The following LSR variants were observed in gnomAD, a reference collection of about 807,000 sequenced individuals.
LSR encodes the protein lipolysis stimulated lipoprotein receptor.
In LSR, 44 loss-of-function variants were observed where a neutral mutation model predicts 61.8. The ratio of observed to expected loss-of-function variants is 0.71; its 90% CI spans 0.56 to 0.91. The LOEUF (loss-of-function observed/expected upper bound fraction) is 0.91, where lower values mean the gene tolerates loss of function less well. LSR is among the 40% of genes least tolerant of loss of function. LSR has a pLI of 0.00. For missense variants in LSR, 911 were observed against 830.5 expected (o/e 1.10, Z -1.19); for synonymous variants, 397 against 350.6 (o/e 1.13, Z -1.48).
intron 2 of LSR, 96 bp from the exon 3 acceptor site, chr19:35,258,849 C>T (rs990932145): frequency 2.3e-5 from 34 of 1,502,978 alleles, no homozygotes; most frequent in Non-Finnish European, 3.0e-5. Context: ...CCACTGCTTG[C>T]CCCCTCCTGG....
At chr19:35,260,291 CTTTT>C (rs66534837) in intron 3 of LSR, among the ~76,000 whole-genome samples, 1 of 113,996 alleles carries the variant, frequency 8.8e-6, no homozygotes, top group Non-Finnish European at 1.7e-5. Flanking sequence ...GGAGATTTTC[CTTTT>C]TTTTTTTTTT....
chr19:35,256,090 C>T (rs1438216475), intron 2 of LSR, among the ~76,000 whole-genome samples: 1 of 152,032 alleles, frequency 6.6e-6, no homozygotes, highest in African/African-American at 2.4e-5. Flanking sequence ...AAAAATTAGC[C>T]AGTTATGTTG....
intron 1 of LSR, chr19:35,249,398 A>G: frequency 2.1e-6 from 1 of 470,402 alleles, no homozygotes; most frequent in Non-Finnish European, 3.7e-6. Flanking sequence ...GGAGAATGGA[A>G]CTCTTTGTGG....
At position 35,259,072 on chromosome 19, in the gene LSR, G is replaced by T; in HGVS notation, c.574+8G>T. ...CAGAGCTCATCGTCCTTGGTGAGTG[G>T]GCCTGGGAAGGGGGAGGCATGGCCC... On this transcript the variant is annotated splice_region_variant and intron_variant, in intron 3 of 9. Transcript: ENST00000605618. 6.2e-7 allele frequency: 1 copy of T among 1,611,034 alleles called. No homozygotes were observed. The highest frequency in any genetic ancestry group is 1.7e-5 in the Admixed American group (1 of 59,874).
chr19:35,254,725 C>T (rs981189839), intron 2 of LSR, among the ~76,000 whole-genome samples: 2 of 152,204 alleles, frequency 1.3e-5, no homozygotes, highest in Admixed American at 1.3e-4. Context: ...TCTCCCCGAC[C>T]TAAAACAATG....
At chr19:35,255,796 T>C (rs2065849131) in intron 2 of LSR, among the ~76,000 whole-genome samples, 1 of 152,202 alleles carries the variant, frequency 6.6e-6, no homozygotes, top group African/African-American at 2.4e-5. Flanking sequence ...CAGCTTATCT[T>C]TGTCTGATAT....
intron 2 of LSR, among the ~76,000 whole-genome samples, chr19:35,254,893 A>G (rs560509681): frequency 6.6e-5 from 10 of 152,302 alleles, no homozygotes; most frequent in African/African-American, 2.4e-4. Context: ...AGGTCAAACA[A>G]AACACAGTGA....
At chr19:35,261,258 T>C (rs754689936) in intron 3 of LSR, among the ~76,000 whole-genome samples, 2 of 152,186 alleles carry the variant, frequency 1.3e-5, no homozygotes, top group Non-Finnish European at 2.9e-5. Context: ...GCATATGACT[T>C]TCATATGTGG....
intron 2 of LSR, chr19:35,251,454 C>G (rs779632357): frequency 2.0e-5 from 3 of 152,194 alleles, no homozygotes; most frequent in Admixed American, 1.3e-4. Context: ...TAACTCAGAC[C>G]ACACAGTAAT....
intron 2 of LSR, among the ~76,000 whole-genome samples, chr19:35,252,405 T>C (rs1490528724): frequency 6.6e-6 from 1 of 151,774 alleles, no homozygotes; most frequent in Non-Finnish European, 1.5e-5. Context: ...TCTCAGCACT[T>C]TGGGAGGCCA....
chr19:35,250,577 C>G lies in LSR; in HGVS notation c.372C>G (p.Thr124=). The change falls in exon 2 of 10, where the codon ACC becomes ACG. Residue 124 remains threonine, a synonymous_variant. Coordinates refer to ENST00000605618, the MANE Select transcript of LSR (RefSeq NM_205834.4). The part of the protein sequence containing the change: ...PYVECQDSVR[T]VRVVATKQGN... The stretch of plus-strand genomic sequence containing the variant: ...TTGAGTGCCAGGACAGCGTGCGCAC[C>G]GTCAGGGTCGTGGCCACCAAGCAGG... The G allele has an allele frequency of 6.2e-7, 1 of 1,612,458 alleles. No homozygotes were observed. Among genetic ancestry groups the G allele is most frequent in the South Asian group, 1.1e-5 (1 of 90,944 alleles).
chr19:35,267,941 G>T lies in LSR; in HGVS notation c.*82G>T. The T allele has an allele frequency of 6.7e-7, 1 of 1,501,020 alleles. No homozygotes were observed. The highest frequency in any genetic ancestry group is 9.2e-7 in the Non-Finnish European group (1 of 1,083,204). 93.0% of individuals were successfully genotyped at this position (1,501,020 alleles called of 1,614,324 possible). A position where few individuals can be genotyped will look rare whatever the true frequency, so the allele number is the denominator to read the frequency against. ...TGAAGCCCTGCCATACCCCTCCCGA[G>T]TCTAATAAAACGTATAATCACAAGC... On this transcript the variant is annotated 3_prime_UTR_variant, in exon 10 of 10. Coordinates refer to ENST00000605618, the MANE Select transcript of LSR (RefSeq NM_205834.4).
chr19:35,262,461 T>C (rs1398902619), intron 4 of LSR, 85 bp from the exon 5 acceptor site: 1 of 1,491,192 alleles, frequency 6.7e-7, no homozygotes, highest in Non-Finnish European at 9.3e-7. Flanking sequence ...ACCTCAGTGC[T>C]GGCTCCGCAC....
At chr19:35,267,780 G>A (rs1395857594) in intron 9 of LSR, 44 bp from the exon 10 acceptor site, 24 of 1,613,662 alleles carry the variant, frequency 1.5e-5, no homozygotes, top group Non-Finnish European at 1.9e-5. Flanking sequence ...TGGGCCCCCA[G>A]CCGGTCCCCG....
chr19:35,258,801 CTT>C, intron 2 of LSR, 142 bp from the exon 3 acceptor site: 1 of 998,698 alleles, frequency 1.0e-6, no homozygotes, highest in Non-Finnish European at 1.5e-6. Context: ...TGGTAGGAAT[CTT>C]TGCATATGCA....
intron 3 of LSR, chr19:35,259,353 T>C: frequency 3.7e-6 from 1 of 273,778 alleles, no homozygotes; most frequent in Non-Finnish European, 7.0e-6. Context: ...AAATCCAGAC[T>C]TGGGGTCCGG....
chr19:35,262,874 T>C, intron 5 of LSR, 182 bp downstream of exon 5: 1 of 631,304 alleles, frequency 1.6e-6, no homozygotes, highest in Non-Finnish European at 2.7e-6. Flanking sequence ...CCTCCAACTT[T>C]TAGTTTATTT....
At position 35,266,671 on chromosome 19, in the gene LSR, T is replaced by C. The variant is rs1474433052; in HGVS notation, c.953-8T>C. On this transcript the variant is annotated splice_polypyrimidine_tract_variant and splice_region_variant and intron_variant, in intron 6 of 9. Transcript: ENST00000605618. ...GGTGCGCGGCCACTGACAGCCACTC[T>C]CCCCCAGCTGGTGGCCAAGGCTCCT... 5 of 1,606,024 alleles carry C rather than the reference T, an allele frequency of 3.1e-6. No homozygotes were observed. In the East Asian group the frequency reaches 1.1e-4, roughly 36 times the overall value.
At chr19:35,261,595 C>A (rs747002025) in intron 3 of LSR, among the ~76,000 whole-genome samples, 2 of 152,308 alleles carry the variant, frequency 1.3e-5, no homozygotes, top group African/African-American at 4.8e-5. Flanking sequence ...TCCCTATCAC[C>A]GTGGTTGGAG....
Sources: allele counts gnomAD v4.1 joint callset (sites outside exome capture counted in the v4.1 genomes callset), GRCh38; gene constraint gnomAD v4.1.1; transcripts MANE v1.5; gene names NCBI Gene and HGNC (gene_info 2026-07-23, HGNC 2026-07-21).